Variants in CTNNA1 observed in about 807,000 individuals in gnomAD.
The protein encoded by CTNNA1 is catenin alpha-1.
In CTNNA1, 37 loss-of-function variants were observed where a neutral mutation model predicts 98.4. The observed-to-expected ratio is 0.38, with a 90% CI of 0.29 to 0.49. The LOEUF (loss-of-function observed/expected upper bound fraction) is 0.49, where lower values mean the gene tolerates loss of function less well. Ranked by LOEUF, CTNNA1 falls within the 20% of genes least tolerant of loss-of-function variation. The pLI, the probability that CTNNA1 is intolerant of heterozygous loss-of-function variation, is 0.95. For synonymous variants in CTNNA1, 404 were observed against 413.2 expected, an observed-to-expected ratio of 0.98 and a Z score of 0.27; for missense variants, 761 against 1,147.2, an observed-to-expected ratio of 0.66 and a Z score of 4.86.
chr5:138,928,276 G>A (rs1448814120), intron 13 of CTNNA1, among the ~76,000 whole-genome samples: 1 of 152,148 alleles, frequency 6.6e-6, no homozygotes, highest in Non-Finnish European at 1.5e-5. Context: ...AATCATGAGA[G>A]GCTGGTAGTT....
At chr5:138,840,469 T>G (rs1392889323) in intron 7 of CTNNA1, among the ~76,000 whole-genome samples, 1 of 152,238 alleles carries the variant, frequency 6.6e-6, no homozygotes, top group African/African-American at 2.4e-5. Flanking sequence ...TGCAAATTGG[T>G]GTTTTTAGGG....
chr5:138,928,619 GGGAAGTAAATTA>G (rs1280075624), intron 13 of CTNNA1, among the ~76,000 whole-genome samples: 2 of 152,158 alleles, frequency 1.3e-5, no homozygotes, highest in Non-Finnish European at 2.9e-5. Context: ...GCCGGTGTTG[GGGAAGTAAATTA>G]GGAAGTAAAA....
chr5:138,839,502 G>GTAT (rs1762090622), intron 7 of CTNNA1, among the ~76,000 whole-genome samples: 1 of 152,102 alleles, frequency 6.6e-6, no homozygotes, highest in Non-Finnish European at 1.5e-5. Flanking sequence ...TGCCTGGCCT[G>GTAT]TATTCTGTTA....
intron 11 of CTNNA1, among the ~76,000 whole-genome samples, chr5:138,921,297 CT>C (rs202065942): frequency 2.0e-5 from 3 of 151,898 alleles, no homozygotes; most frequent in East Asian, 1.9e-4. Flanking sequence ...TTTTGGCTCC[CT>C]TTTTTTTGAA....
chr5:138,795,848 TA>T (rs1485607228), intron 3 of CTNNA1, among the ~76,000 whole-genome samples: 5 of 152,140 alleles, frequency 3.3e-5, no homozygotes, highest in Non-Finnish European at 7.4e-5. Context: ...GTTTTGATAG[TA>T]AGAGCAAAAA....
intron 3 of CTNNA1, among the ~76,000 whole-genome samples, chr5:138,801,426 T>C (rs1288645913): frequency 1.3e-5 from 2 of 152,248 alleles, no homozygotes; most frequent in African/African-American, 4.8e-5. Flanking sequence ...CTGGATTACA[T>C]GATGAGTTTT....
intron 9 of CTNNA1, among the ~76,000 whole-genome samples, chr5:138,899,752 T>G (rs533427368): frequency 6.6e-6 from 1 of 152,316 alleles, no homozygotes; most frequent in Admixed American, 6.5e-5. Context: ...AGTTCTCCTT[T>G]CTCTTTTCTA....
chr5:138,933,163 ACTT>A (rs1765764574), intron 17 of CTNNA1, among the ~76,000 whole-genome samples: 1 of 151,898 alleles, frequency 6.6e-6, no homozygotes. Context: ...ACAAAACAAA[ACTT>A]CCTTTTCTTC....
chr5:138,833,015 C>T (rs1761425540), intron 7 of CTNNA1, among the ~76,000 whole-genome samples: 1 of 152,174 alleles, frequency 6.6e-6, no homozygotes, highest in Non-Finnish European at 1.5e-5. Flanking sequence ...TTTTTTAAGG[C>T]ATGTGTTTTT....
At chr5:138,777,345 C>G (rs1754434143) in intron 1 of CTNNA1, among the ~76,000 whole-genome samples, 1 of 151,656 alleles carries the variant, frequency 6.6e-6, no homozygotes, top group African/African-American at 2.4e-5. Flanking sequence ...GGGATGGCGG[C>G]CGGGCAGAGA....
intron 5 of CTNNA1, among the ~76,000 whole-genome samples, chr5:138,818,800 G>A (rs1412907138): frequency 1.3e-5 from 2 of 152,146 alleles, no homozygotes; most frequent in African/African-American, 2.4e-5. Context: ...CACAGTGTAC[G>A]AGCAGCTACT....
At chr5:138,895,904 A>C (rs1397163046) in intron 9 of CTNNA1, among the ~76,000 whole-genome samples, 2 of 152,192 alleles carry the variant, frequency 1.3e-5, no homozygotes, top group Non-Finnish European at 2.9e-5. Context: ...TGGTTTTTGG[A>C]AATCTTATCT....
chr5:138,782,658 C>T (rs961982350), intron 2 of CTNNA1, among the ~76,000 whole-genome samples: 4 of 152,174 alleles, frequency 2.6e-5, no homozygotes, highest in African/African-American at 9.7e-5. Context: ...TGTTCTAAGA[C>T]ATAAAGCGTC....
At chr5:138,898,201 T>G (rs1757309579) in intron 9 of CTNNA1, among the ~76,000 whole-genome samples, 1 of 135,800 alleles carries the variant, frequency 7.4e-6, no homozygotes, top group African/African-American at 2.7e-5. Context: ...TACCGTGTGA[T>G]ATGTCTGCTC....
intron 1 of CTNNA1, among the ~76,000 whole-genome samples, chr5:138,770,141 T>C (rs560777951): frequency 5.1e-4 from 78 of 152,304 alleles, no homozygotes; most frequent in Admixed American, 1.4e-3. Context: ...GGTGATACTT[T>C]TATTTTTTAA....
chr5:138,864,796 TTTTTTG>T (rs200642275), intron 7 of CTNNA1, among the ~76,000 whole-genome samples: 9,458 of 43,804 alleles, frequency 0.22, 818 homozygotes, highest in East Asian at 0.48. Context: ...GGAAGATGTG[TTTTTTG>T]TTTTTGTTTT....
At chr5:138,897,507 C>T (rs1005707320) in intron 9 of CTNNA1, among the ~76,000 whole-genome samples, 8 of 152,194 alleles carry the variant, frequency 5.3e-5, no homozygotes, top group East Asian at 1.9e-4. Context: ...ACTGACCTGA[C>T]GTGACTACCT....
At chr5:138,865,538 T>TG (rs537113190) in intron 7 of CTNNA1, among the ~76,000 whole-genome samples, 206 of 152,360 alleles carry the variant, frequency 1.4e-3, no homozygotes, top group African/African-American at 4.7e-3. Flanking sequence ...CTTTATCCGA[T>TG]GAAAGCTGTT....
intron 7 of CTNNA1, among the ~76,000 whole-genome samples, chr5:138,829,128 A>G (rs889072811): frequency 3.9e-5 from 6 of 152,210 alleles, no homozygotes; most frequent in Non-Finnish European, 7.3e-5. Context: ...TCAAAAAAAA[A>G]AGCCATGTTT....
Sources: gnomAD v4.1 joint callset for allele counts (sites outside exome capture counted in the v4.1 genomes callset) on GRCh38, gnomAD v4.1.1 for gene constraint, MANE v1.5 for transcripts, NCBI Gene and HGNC (gene_info 2026-07-23, HGNC 2026-07-21) for gene names.